DDX60L: variants seen among roughly 807,000 people sequenced by gnomAD.
DDX60L encodes probable ATP-dependent RNA helicase DDX60-like.
Under a neutral mutation model 211.6 loss-of-function variants are expected in DDX60L, and 191 were observed. The observed-to-expected ratio is 0.90, with a 90% CI of 0.80 to 1.02. The LOEUF is 1.02. Ranked by LOEUF, DDX60L falls within the 50% of genes least tolerant of loss-of-function variation. DDX60L has a pLI of 0.00. For synonymous variants in DDX60L, 706 were observed against 694.1 expected (o/e 1.02, Z -0.27); for missense variants, 2,007 against 1,984.1 (o/e 1.01, Z -0.22).
chr4:168,465,322 C>T (rs1757842957), intron 4 of DDX60L, among the ~76,000 whole-genome samples: 1 of 151,908 alleles, frequency 6.6e-6, no homozygotes, highest in African/African-American at 2.4e-5. Context: ...GCTCACTTGC[C>T]CACATTTTAA....
intron 17 of DDX60L, 57 bp downstream of exon 17, chr4:168,421,703 C>A: frequency 6.3e-7 from 1 of 1,596,286 alleles, no homozygotes; most frequent in East Asian, 2.2e-5. Flanking sequence ...CGTGTGCATT[C>A]TTTTTAAAGG....
Position 168,417,131 on chromosome 4 carries a change from T to C in DDX60L, c.2611-334A>G, listed in dbSNP as rs371400913. Reference sequence around the variant, plus strand: ...TCTCTTAGCTTCCACTCTTTCTCTATACTTTCTTCACATCATAGCCCTAAT... The same window carrying C: ...TCTCTTAGCTTCCACTCTTTCTCTACACTTTCTTCACATCATAGCCCTAAT... On this transcript the variant is annotated intron_variant, in intron 19 of 37. Coordinates refer to ENST00000682922, the MANE Select transcript of DDX60L (RefSeq NM_001012967.3). Among the ~76,000 whole-genome samples the C allele has an allele frequency of 2.0e-5, 3 of 152,212 alleles. No individual in the cohort carries two copies. The East Asian group carries it at 5.8e-4, about 29-fold the overall frequency.
chr4:168,479,556 G>A (rs1760104941), intron 1 of DDX60L, among the ~76,000 whole-genome samples: 5 of 152,092 alleles, frequency 3.3e-5, no homozygotes, highest in Admixed American at 3.3e-4. Context: ...TTTGATTATG[G>A]AAAACCTTGA....
At chr4:168,438,812 G>A (rs1753420343) in intron 10 of DDX60L, among the ~76,000 whole-genome samples, 1 of 152,204 alleles carries the variant, frequency 6.6e-6, no homozygotes, top group South Asian at 2.1e-4. Flanking sequence ...ATGACCATGT[G>A]ACCAGTTACA....
chr4:168,385,067 A>G (rs535565485), intron 29 of DDX60L, among the ~76,000 whole-genome samples: 2 of 152,268 alleles, frequency 1.3e-5, no homozygotes, highest in African/African-American at 4.8e-5. Flanking sequence ...GGACTCTCCA[A>G]TATCTGTATG....
At chr4:168,366,715 T>C (rs539007848) in intron 36 of DDX60L, among the ~76,000 whole-genome samples, 1 of 152,182 alleles carries the variant, frequency 6.6e-6, no homozygotes, top group East Asian at 1.9e-4. Flanking sequence ...GGCATCACAC[T>C]GACTTCAACA....
intron 1 of DDX60L, chr4:168,476,098 T>A (rs1168981581): frequency 6.6e-6 from 1 of 152,020 alleles, no homozygotes; most frequent in Non-Finnish European, 1.5e-5. Context: ...TCTATAATAT[T>A]TTGTTATGGC....
intron 14 of DDX60L, among the ~76,000 whole-genome samples, chr4:168,426,305 G>A (rs1476057365): frequency 6.6e-6 from 1 of 152,178 alleles, no homozygotes; most frequent in East Asian, 1.9e-4. Flanking sequence ...AGAAACAAAA[G>A]GCTTTATTAT....
chr4:168,436,751 C>G (rs1369935506), intron 10 of DDX60L, among the ~76,000 whole-genome samples: 3 of 152,086 alleles, frequency 2.0e-5, no homozygotes, highest in African/African-American at 7.2e-5. Context: ...TTCTGGCACC[C>G]CTATGTTCTG....
chr4:168,364,779 C>T (rs966276389), intron 36 of DDX60L, among the ~76,000 whole-genome samples: 13 of 152,124 alleles, frequency 8.5e-5, no homozygotes, highest in Middle Eastern at 3.4e-3. Flanking sequence ...TGTTTGATCA[C>T]CAAACAAGTC....
At chr4:168,423,060 A>C (rs761888311) in intron 15 of DDX60L, among the ~76,000 whole-genome samples, 46 of 151,388 alleles carry the variant, frequency 3.0e-4, no homozygotes, top group Non-Finnish European at 2.6e-4. Context: ...GGCTCAAGTG[A>C]TCTGCTCACC....
intron 4 of DDX60L, among the ~76,000 whole-genome samples, chr4:168,462,441 T>C (rs543399667): frequency 1.7e-4 from 26 of 152,134 alleles, no homozygotes; most frequent in African/African-American, 5.3e-4. Flanking sequence ...CAAATCAAAA[T>C]TTCTATTTTT....
chr4:168,360,892 C>T (rs1212680334), intron 37 of DDX60L, among the ~76,000 whole-genome samples: 1 of 152,208 alleles, frequency 6.6e-6, no homozygotes, highest in Non-Finnish European at 1.5e-5. Context: ...GAAGAGCCTT[C>T]CAGGCTCTGA....
intron 16 of DDX60L, among the ~76,000 whole-genome samples, chr4:168,422,315 T>C (rs1750761234): frequency 6.6e-6 from 1 of 152,192 alleles, no homozygotes; most frequent in South Asian, 2.1e-4. Context: ...CAGGTATCAG[T>C]ATAACTTCCA....
chr4:168,459,210 G>C (rs1025946747), intron 5 of DDX60L, among the ~76,000 whole-genome samples: 5 of 152,200 alleles, frequency 3.3e-5, no homozygotes, highest in Admixed American at 1.3e-4. Flanking sequence ...AGAAGGCCAG[G>C]CATGATGGCT....
intron 1 of DDX60L, among the ~76,000 whole-genome samples, chr4:168,476,734 T>C (rs904188386): frequency 6.6e-6 from 1 of 152,226 alleles, no homozygotes; most frequent in African/African-American, 2.4e-5. Flanking sequence ...CTTCCACATT[T>C]AAGAATTATC....
At chr4:168,429,925 T>C (rs920124868) in intron 13 of DDX60L, among the ~76,000 whole-genome samples, 31 of 152,190 alleles carry the variant, frequency 2.0e-4, no homozygotes, top group South Asian at 2.1e-4. Flanking sequence ...AGGCTGGGTG[T>C]GGTGGCTCAC....
chr4:168,388,356 G>A (rs748470534), intron 29 of DDX60L, among the ~76,000 whole-genome samples: 1 of 152,078 alleles, frequency 6.6e-6, no homozygotes, highest in Non-Finnish European at 1.5e-5. Flanking sequence ...AGAAATGAGA[G>A]GTCAATTACT....
chr4:168,410,594 A>G (rs1748510294), intron 22 of DDX60L, among the ~76,000 whole-genome samples: 1 of 152,224 alleles, frequency 6.6e-6, no homozygotes, highest in African/African-American at 2.4e-5. Flanking sequence ...AGGACCAACT[A>G]TTGGCTAATG....
Sources: gnomAD v4.1 joint callset for allele counts (sites outside exome capture counted in the v4.1 genomes callset) on GRCh38, gnomAD v4.1.1 for gene constraint, MANE v1.5 for transcripts, NCBI Gene and HGNC (gene_info 2026-07-23, HGNC 2026-07-21) for gene names.